Variants in CAST observed in about 807,000 individuals in gnomAD.
CAST encodes MIR583 host.
Under a neutral mutation model 119.6 loss-of-function variants are expected in CAST, and 76 were observed. The ratio of observed to expected loss-of-function variants is 0.64; its 90% CI spans 0.53 to 0.77. CAST has a LOEUF of 0.77. CAST is among the 30% of genes least tolerant of loss of function. The probability of loss-of-function intolerance (pLI) is 0.00; values close to 1 mark genes in which losing one functional copy is unlikely to be tolerated. For synonymous variants in CAST, 319 were observed against 331.6 expected, an observed-to-expected ratio of 0.96 and a Z score of 0.41; for missense variants, 953 against 946.5, an observed-to-expected ratio of 1.01 and a Z score of -0.09.
At chr5:96,349,139 A>ATTTTTTTTTTTTTTTTTT in the CAST span, among the ~76,000 whole-genome samples, 43 of 89,620 alleles carry the variant, frequency 4.8e-4, 1 homozygote, top group African/African-American at 8.3e-4. Flanking sequence ...CAAGGACACT[A>ATTTTTTTTTTTTTTTTTT]TTTTTTTTTT....
At chr5:96,605,531 A>T (rs1328446534) in intron 1 of CAST, among the ~76,000 whole-genome samples, 1 of 152,238 alleles carries the variant, frequency 6.6e-6, no homozygotes, top group Non-Finnish European at 1.5e-5. Context: ...GAGACAATTC[A>T]GCCTACCTGT....
the CAST span, among the ~76,000 whole-genome samples, chr5:96,095,542 C>T: frequency 2.3e-4 from 23 of 100,998 alleles, no homozygotes; most frequent in African/African-American, 9.1e-4. Context: ...GCCTGGGCAA[C>T]AGAGACTCTG....
the CAST span, among the ~76,000 whole-genome samples, chr5:96,465,057 CAATT>C: frequency 6.6e-6 from 1 of 151,954 alleles, no homozygotes; most frequent in Non-Finnish European, 1.5e-5. Flanking sequence ...GTATATGTAT[CAATT>C]ATTTATTTAG....
At chr5:96,609,983 G>A (rs903166731) in intron 1 of CAST, among the ~76,000 whole-genome samples, 4 of 152,124 alleles carry the variant, frequency 2.6e-5, no homozygotes, top group African/African-American at 9.7e-5. Flanking sequence ...TGGTTTGGCT[G>A]TGTCCCCACT....
At chr5:96,103,771 A>C in the CAST span, among the ~76,000 whole-genome samples, 2 of 151,766 alleles carry the variant, frequency 1.3e-5, no homozygotes, top group South Asian at 2.1e-4. Context: ...CTGAGGAATC[A>C]CCACACTGAC....
chr5:96,639,316 G>A (rs940217144), intron 1 of CAST, among the ~76,000 whole-genome samples: 1 of 152,194 alleles, frequency 6.6e-6, no homozygotes, highest in Non-Finnish European at 1.5e-5. Flanking sequence ...ATTCCAAGAT[G>A]GACTTCTCAT....
chr5:96,114,587 C>T, the CAST span, among the ~76,000 whole-genome samples: 1 of 152,176 alleles, frequency 6.6e-6, no homozygotes, highest in Non-Finnish European at 1.5e-5. Context: ...TTTTCCAGGG[C>T]TTCTGACACA....
At chr5:96,226,634 G>A in the CAST span, among the ~76,000 whole-genome samples, 18 of 152,054 alleles carry the variant, frequency 1.2e-4, no homozygotes, top group African/African-American at 4.3e-4. Flanking sequence ...TTCAGCCTGG[G>A]TGACAGAGTG....
chr5:96,638,276 C>A (rs559282500), intron 1 of CAST, among the ~76,000 whole-genome samples: 1 of 151,976 alleles, frequency 6.6e-6, no homozygotes, highest in South Asian at 2.1e-4. Context: ...CGTGGTGGTA[C>A]ACGCCTGTAA....
intron 2 of CAST, among the ~76,000 whole-genome samples, chr5:96,690,906 T>C (rs1329317543): frequency 6.6e-6 from 1 of 152,252 alleles, no homozygotes; most frequent in Non-Finnish European, 1.5e-5. Context: ...AACAAATATG[T>C]CAAAACTTAC....
At chr5:96,142,206 T>G in the CAST span, among the ~76,000 whole-genome samples, 1 of 151,706 alleles carries the variant, frequency 6.6e-6, no homozygotes, top group Non-Finnish European at 1.5e-5. Context: ...AGGTCAGGAG[T>G]TCGAGACAGC....
At chr5:96,700,946 T>G (rs1314236154) in intron 3 of CAST, among the ~76,000 whole-genome samples, 2 of 151,940 alleles carry the variant, frequency 1.3e-5, no homozygotes, top group African/African-American at 4.8e-5. Context: ...TTTTTTTTTT[T>G]GAGACAGGGT....
At chr5:95,961,630 T>C in the CAST span, 3 of 1,609,258 alleles carry the variant, frequency 1.9e-6, no homozygotes, top group Non-Finnish European at 2.5e-6. Context: ...GAGCTTCACA[T>C]GCAGTACGGT....
chr5:96,754,655 C>T lies in CAST; in HGVS notation c.1627-3C>T. 6.4e-7 allele frequency: 1 copy of T among 1,569,020 alleles called. No homozygotes were observed. Among genetic ancestry groups the T allele is most frequent in the Non-Finnish European group, 8.7e-7 (1 of 1,149,768 alleles). On this transcript the variant is annotated splice_polypyrimidine_tract_variant and splice_region_variant and intron_variant, in intron 21 of 31. Coordinates refer to ENST00000675179, the MANE Select transcript of CAST (RefSeq NM_001750.7). ...ACAATGAAAATGGTATAATTTTTCT[C>T]AGGAGAAGGCCAAAGAAGAAGACCG...
chr5:96,687,548 C>T (rs1028781864), intron 2 of CAST, among the ~76,000 whole-genome samples: 8 of 152,316 alleles, frequency 5.3e-5, no homozygotes, highest in South Asian at 2.1e-4. Flanking sequence ...TTAATCATTA[C>T]GATTCTAGAC....
chr5:96,562,372 T>C (rs1175478830), intron 1 of CAST, among the ~76,000 whole-genome samples: 1 of 152,054 alleles, frequency 6.6e-6, no homozygotes, highest in Non-Finnish European at 1.5e-5. Context: ...CTTTAATGTA[T>C]GAAAAAAATG....
the CAST span, chr5:96,429,175 C>T: frequency 6.0e-3 from 6,124 of 1,021,896 alleles, 237 homozygotes; most frequent in African/African-American, 0.086. Flanking sequence ...AGCAGATAAG[C>T]TAGAGTATTG....
chr5:96,513,587 T>C, the CAST span, among the ~76,000 whole-genome samples: 1 of 152,098 alleles, frequency 6.6e-6, no homozygotes, highest in Non-Finnish European at 1.5e-5. Context: ...CAAATTCCTA[T>C]AAGAGCCACA....
chr5:96,275,286 A>G, the CAST span, among the ~76,000 whole-genome samples: 1 of 152,214 alleles, frequency 6.6e-6, no homozygotes, highest in Non-Finnish European at 1.5e-5. Context: ...AAAAGCAGAG[A>G]CATTACTAAA....
Sources: allele counts gnomAD v4.1 joint callset (sites outside exome capture counted in the v4.1 genomes callset), GRCh38; gene constraint gnomAD v4.1.1; transcripts MANE v1.5; gene names NCBI Gene and HGNC (gene_info 2026-07-23, HGNC 2026-07-21).